Variants in DIAPH3 observed in about 807,000 individuals in gnomAD.
DIAPH3 encodes protein diaphanous homolog 3.
Under a neutral mutation model 144.3 loss-of-function variants are expected in DIAPH3, and 117 were observed. The observed-to-expected ratio is 0.81, with a 90% CI of 0.70 to 0.95. The LOEUF is 0.95. DIAPH3 is among the 40% of genes least tolerant of loss of function. The pLI is 0.00. For missense variants in DIAPH3, 1,421 were observed against 1,412.7 expected (o/e 1.01, Z -0.09); for synonymous variants, 519 against 488.9 (o/e 1.06, Z -0.81).
chr13:59,901,072 T>C (rs761195457), intron 20 of DIAPH3, among the ~76,000 whole-genome samples: 11 of 152,226 alleles, frequency 7.2e-5, no homozygotes, highest in Non-Finnish European at 1.5e-4. Flanking sequence ...AATGAGATCA[T>C]TGAAATAGCT....
At chr13:60,060,395 T>C (rs1203728797) in intron 4 of DIAPH3, among the ~76,000 whole-genome samples, 1 of 152,058 alleles carries the variant, frequency 6.6e-6, no homozygotes, top group Non-Finnish European at 1.5e-5. Flanking sequence ...AAAATTGAAA[T>C]ATACTGGGAA....
At chr13:60,042,923 T>C in intron 4 of DIAPH3, 103 bp from the exon 5 acceptor site, 3 of 1,357,986 alleles carry the variant, frequency 2.2e-6, no homozygotes, top group South Asian at 2.4e-5. Context: ...ACTACTATAA[T>C]TAACACTATT....
At chr13:59,723,159 T>C (rs2035427567) in intron 27 of DIAPH3, among the ~76,000 whole-genome samples, 1 of 152,208 alleles carries the variant, frequency 6.6e-6, no homozygotes, top group South Asian at 2.1e-4. Context: ...CTGAGATATA[T>C]TCCAGGACCA....
At chr13:59,857,550 T>TA (rs1382493797) in intron 22 of DIAPH3, among the ~76,000 whole-genome samples, 1 of 152,132 alleles carries the variant, frequency 6.6e-6, no homozygotes, top group Non-Finnish European at 1.5e-5. Context: ...AAAAATGAGT[T>TA]AACATTGAAT....
At chr13:60,132,910 T>C (rs754419134) in intron 2 of DIAPH3, 47 bp downstream of exon 2, 5 of 1,504,168 alleles carry the variant, frequency 3.3e-6, no homozygotes, top group Admixed American at 3.4e-5. Flanking sequence ...CAACGTTATA[T>C]GGTTAGTTAC....
intron 25 of DIAPH3, among the ~76,000 whole-genome samples, chr13:59,808,679 G>T (rs1278009994): frequency 6.6e-6 from 1 of 151,968 alleles, no homozygotes; most frequent in Non-Finnish European, 1.5e-5. Flanking sequence ...AAGTTAAATT[G>T]TATATGGCAC....
chr13:59,982,675 G>A (rs908685663), intron 13 of DIAPH3, among the ~76,000 whole-genome samples: 8 of 151,538 alleles, frequency 5.3e-5, no homozygotes, highest in African/African-American at 1.9e-4. Context: ...TTAAACAGTA[G>A]TTACAATGTG....
At chr13:59,846,444 CAATT>C (rs1171324257) in intron 22 of DIAPH3, among the ~76,000 whole-genome samples, 1 of 152,090 alleles carries the variant, frequency 6.6e-6, no homozygotes, top group Non-Finnish European at 1.5e-5. Context: ...CTCATAGAAT[CAATT>C]GTTTCATGTG....
At chr13:60,046,189 C>A (rs544609934) in intron 4 of DIAPH3, among the ~76,000 whole-genome samples, 7 of 152,232 alleles carry the variant, frequency 4.6e-5, no homozygotes, top group Admixed American at 2.0e-4. Context: ...TTTATAAAGT[C>A]CTTACAGCTA....
intron 25 of DIAPH3, among the ~76,000 whole-genome samples, chr13:59,776,137 C>T (rs144914119): frequency 1.9e-3 from 289 of 152,024 alleles, no homozygotes; most frequent in African/African-American, 6.5e-3. Flanking sequence ...ATACACAATC[C>T]CTTTACAGAG....
chr13:59,751,710 A>C (rs2037015953), intron 27 of DIAPH3, among the ~76,000 whole-genome samples: 1 of 152,268 alleles, frequency 6.6e-6, no homozygotes, highest in Non-Finnish European at 1.5e-5. Context: ...AAATAATTTT[A>C]CATCAAACAG....
intron 14 of DIAPH3, among the ~76,000 whole-genome samples, chr13:59,979,388 A>G (rs1467695920): frequency 6.6e-6 from 1 of 151,644 alleles, no homozygotes; most frequent in Non-Finnish European, 1.5e-5. Flanking sequence ...CCAGCTTAGA[A>G]TACAATGTTG....
At chr13:60,135,332 C>T (rs1406799927) in intron 1 of DIAPH3, among the ~76,000 whole-genome samples, 1 of 150,930 alleles carries the variant, frequency 6.6e-6, no homozygotes, top group Non-Finnish European at 1.5e-5. Context: ...TTCCTAAAGG[C>T]TTGATCTGTT....
Position 59,861,403 on chromosome 13 carries a change from A to G in DIAPH3, c.2737+4T>C. 1 of 1,613,754 alleles carries G rather than the reference A, an allele frequency of 6.2e-7. No individual in the cohort carries two copies. Among genetic ancestry groups the G allele is most frequent in the East Asian group, 2.2e-5 (1 of 44,772 alleles). On this transcript the variant is annotated splice_donor_region_variant and intron_variant, in intron 22 of 27. Coordinates refer to ENST00000400324, the MANE Select transcript of DIAPH3 (RefSeq NM_001042517.2). ...CATGAAATGTTTCTTAAAAAGGCAC[A>G]AACCTTTACTAGCTTTGTCTAAAGG...
At chr13:59,924,352 C>A (rs2047657242) in intron 18 of DIAPH3, among the ~76,000 whole-genome samples, 1 of 152,086 alleles carries the variant, frequency 6.6e-6, no homozygotes, top group African/African-American at 2.4e-5. Flanking sequence ...ATCCTTATTT[C>A]CGTTAATATT....
intron 21 of DIAPH3, among the ~76,000 whole-genome samples, chr13:59,869,070 G>C (rs1208246538): frequency 6.6e-6 from 1 of 152,016 alleles, no homozygotes; most frequent in Non-Finnish European, 1.5e-5. Context: ...AATTCATTTG[G>C]GTAAACACTT....
chr13:59,990,301 A>T (rs542976920), intron 12 of DIAPH3, among the ~76,000 whole-genome samples: 159 of 151,942 alleles, frequency 1.0e-3, no homozygotes, highest in African/African-American at 3.6e-3. Context: ...TCACTGAGTC[A>T]TACCCTCTGA....
intron 17 of DIAPH3, among the ~76,000 whole-genome samples, 183 bp from the exon 18 acceptor site, chr13:59,925,053 C>G (rs1566525531): frequency 6.6e-6 from 1 of 152,024 alleles, no homozygotes; most frequent in Non-Finnish European, 1.5e-5. Flanking sequence ...AAACTGGGAG[C>G]TTTTATGCCA....
At chr13:59,955,174 A>G (rs1259310484) in intron 17 of DIAPH3, among the ~76,000 whole-genome samples, 1 of 151,780 alleles carries the variant, frequency 6.6e-6, no homozygotes, top group African/African-American at 2.4e-5. Context: ...GAAAAATTCT[A>G]TTATAAAACT....
Sources: gnomAD v4.1 joint callset for allele counts (sites outside exome capture counted in the v4.1 genomes callset) on GRCh38, gnomAD v4.1.1 for gene constraint, MANE v1.5 for transcripts, NCBI Gene and HGNC (gene_info 2026-07-23, HGNC 2026-07-21) for gene names.